The following ESR2 variants were observed in gnomAD, a reference collection of about 807,000 sequenced individuals.
ESR2 encodes estrogen receptor beta.
In ESR2, 36 loss-of-function variants were observed where a neutral mutation model predicts 49.6. The observed-to-expected ratio is 0.73, with a 90% confidence interval of 0.56 to 0.96. The LOEUF is 0.96. ESR2 is among the 40% of genes least tolerant of loss of function. The probability of loss-of-function intolerance (pLI) is 0.00; values close to 1 mark genes in which losing one functional copy is unlikely to be tolerated. For missense variants in ESR2, 714 were observed against 693.0 expected (o/e 1.03, Z -0.34); for synonymous variants, 320 against 266.1 (o/e 1.20, Z -1.97).
At chr14:64,228,014 T>G (rs1027032511), downstream of ESR2, 2 of 1,518,082 alleles carry the variant, frequency 1.3e-6, no homozygotes, top group East Asian at 2.3e-5. Flanking sequence ...CCAGGACTTT[T>G]GTGAGCTGCA....
chr14:64,228,329 A>G lies in ESR2; in HGVS notation c.*4808T>C, dbSNP rs534574688. ...CCCAACAAATACATTTTTAAAGCCA[A>G]AATAATGAAACACTTTATTTATATC... On this transcript the variant is annotated 3_prime_UTR_variant, in exon 9 of 9. Coordinates refer to ENST00000341099, the MANE Select transcript of ESR2 (RefSeq NM_001437.3). Among the ~76,000 whole-genome samples, 1 of 152,332 alleles carries G rather than the reference A, an allele frequency of 6.6e-6. No individual in the cohort carries two copies. The highest frequency in any genetic ancestry group is 1.5e-5 in the Non-Finnish European group (1 of 68,032).
intron 4 of ESR2, among the ~76,000 whole-genome samples, chr14:64,264,519 T>TC (rs2076285701): frequency 2.6e-5 from 4 of 152,178 alleles, no homozygotes; most frequent in Non-Finnish European, 4.4e-5. Context: ...ACATGCAGGT[T>TC]TGTTACATAG....
At chr14:64,282,383 G>A (rs1459767076) in intron 2 of ESR2, among the ~76,000 whole-genome samples, 2 of 152,134 alleles carry the variant, frequency 1.3e-5, no homozygotes, top group African/African-American at 4.8e-5. Flanking sequence ...AGTATTTACT[G>A]TATAAAGACA....
At chr14:64,272,957 A>G (rs1308131676) in intron 3 of ESR2, among the ~76,000 whole-genome samples, 2 of 152,144 alleles carry the variant, frequency 1.3e-5, no homozygotes, top group Non-Finnish European at 2.9e-5. Context: ...TGCTTTGGGT[A>G]GTATGGACAT....
At chr14:64,289,080 G>A (rs543593412) in intron 1 of ESR2, among the ~76,000 whole-genome samples, 102 of 151,394 alleles carry the variant, frequency 6.7e-4, no homozygotes, top group African/African-American at 2.3e-3. Flanking sequence ...TCTAGCCCCA[G>A]CTCTGCCTGA....
chr14:64,273,196 T>G (rs2076484479), intron 3 of ESR2, among the ~76,000 whole-genome samples: 1 of 152,204 alleles, frequency 6.6e-6, no homozygotes, highest in Non-Finnish European at 1.5e-5. Context: ...TTTACTGAAT[T>G]TATTAGATCT....
chr14:64,264,606 T>C (rs1340895613), intron 4 of ESR2, among the ~76,000 whole-genome samples: 3 of 152,166 alleles, frequency 2.0e-5, no homozygotes, highest in African/African-American at 7.2e-5. Flanking sequence ...AGGTGGCTCA[T>C]GCCTGTAATC....
chr14:64,260,564 A>G lies in ESR2; in HGVS notation c.837T>C (p.His279=). The part of the protein sequence containing the change: ...VLTLLEAEPP[H]VLISRPSAPF... ...GCGCACTGGGGCGGCTGATCAGCACATGGGGCGGCTCAGCCTCCAGGAGGG... is the reference window on the plus strand; with the variant it reads ...GCGCACTGGGGCGGCTGATCAGCACGTGGGGCGGCTCAGCCTCCAGGAGGG... Residue 279 remains histidine (H), a synonymous_variant, in exon 5 of 9, where the codon CAT becomes CAC. Coordinates refer to ENST00000341099, the MANE Select transcript of ESR2 (RefSeq NM_001437.3). The G allele has an allele frequency of 6.3e-7, 1 of 1,597,648 alleles. No homozygotes were observed. The highest frequency in any genetic ancestry group is 8.5e-7 in the Non-Finnish European group (1 of 1,171,164).
chr14:64,297,498 C>G (rs528444023), upstream of ESR2: 27 of 152,362 alleles, frequency 1.8e-4, no homozygotes, highest in African/African-American at 6.5e-4. Flanking sequence ...CCCAGTGGAA[C>G]GTGCACATTG....
chr14:64,322,541 C>G (rs1326548549), intron 1 of ESR2, among the ~76,000 whole-genome samples: 2 of 149,150 alleles, frequency 1.3e-5, no homozygotes, highest in Non-Finnish European at 3.0e-5. Context: ...AAAAAAAGAT[C>G]CTTATCTTCA....
intron 7 of ESR2, among the ~76,000 whole-genome samples, chr14:64,246,874 G>T (rs1301172042): frequency 6.6e-6 from 1 of 151,988 alleles, no homozygotes; most frequent in South Asian, 2.1e-4. Flanking sequence ...AACAGGGAAG[G>T]GTGTGTTGGG....
rs772610168 is a variant in ESR2, at chr14:64,235,011, C to T, written c.1365G>A (p.Leu455=). ...GISSQQQSMR[L]ANLLMLLSHV... ...GGGACAGGAGCATCAGGAGGTTAGC[C>T]AGGCGCATGGATTGCTGCTGGGAGG... The change falls in exon 8 of 9, where the codon CTG becomes CTA. Residue 455 remains leucine, a synonymous_variant. Transcript: ENST00000341099. The T allele has an allele frequency of 6.2e-7, 1 of 1,614,216 alleles. No homozygotes were observed. Among genetic ancestry groups the T allele is most frequent in the Non-Finnish European group, 8.5e-7 (1 of 1,180,034 alleles).
intron 7 of ESR2, among the ~76,000 whole-genome samples, chr14:64,240,450 C>G (rs2075696759): frequency 6.6e-6 from 1 of 152,228 alleles, no homozygotes; most frequent in Non-Finnish European, 1.5e-5. Flanking sequence ...TGGTTCCCCG[C>G]TTGGTGGTAT....
chr14:64,253,598 G>GTATGTA (rs2076035275), intron 6 of ESR2, among the ~76,000 whole-genome samples: 1 of 131,460 alleles, frequency 7.6e-6, no homozygotes. Context: ...GTGTGTGTGT[G>GTATGTA]TGTGTGTATG....
chr14:64,266,962 G>C (rs1265449459), intron 4 of ESR2, among the ~76,000 whole-genome samples: 1 of 152,136 alleles, frequency 6.6e-6, no homozygotes, highest in African/African-American at 2.4e-5. Context: ...CTCACTGCAA[G>C]CTCCACCTCC....
intron 1 of ESR2, among the ~76,000 whole-genome samples, chr14:64,311,458 G>T (rs1451130140): frequency 6.6e-6 from 1 of 151,912 alleles, no homozygotes. Context: ...TGGCCAACAT[G>T]GTGATACCCT....
chr14:64,271,686 A>G (rs2076449370), intron 3 of ESR2, among the ~76,000 whole-genome samples: 1 of 152,192 alleles, frequency 6.6e-6, no homozygotes, highest in Non-Finnish European at 1.5e-5. Context: ...GTGTCTGGTT[A>G]TTTCACTTAA....
chr14:64,239,355 A>G (rs142050197), intron 7 of ESR2, among the ~76,000 whole-genome samples: 49 of 152,336 alleles, frequency 3.2e-4, no homozygotes, highest in African/African-American at 1.1e-3. Flanking sequence ...ATAAACTCAG[A>G]GGGAACTAGG....
chr14:64,333,964 G>A (rs1303367138), intron 1 of ESR2, among the ~76,000 whole-genome samples: 1 of 151,782 alleles, frequency 6.6e-6, no homozygotes, highest in Non-Finnish European at 1.5e-5. Flanking sequence ...ATATATTAAG[G>A]TCAAATCTTT....
Sources: allele counts gnomAD v4.1 joint callset (sites outside exome capture counted in the v4.1 genomes callset), GRCh38; gene constraint gnomAD v4.1.1; transcripts MANE v1.5; gene names NCBI Gene and HGNC (gene_info 2026-07-23, HGNC 2026-07-21).